Variants in LRMDA observed in about 807,000 individuals in gnomAD.
LRMDA encodes the protein leucine rich melanocyte differentiation associated, also known as leucine-rich melanocyte differentiation-associated protein.
In LRMDA, 18 loss-of-function variants were observed where a neutral mutation model predicts 29.8. That is an observed-to-expected ratio of 0.60 (90% CI 0.42 to 0.90). The LOEUF (loss-of-function observed/expected upper bound fraction) is 0.90, where lower values mean the gene tolerates loss of function less well. Ranked by LOEUF, LRMDA falls within the 40% of genes least tolerant of loss-of-function variation. The pLI is 0.00. For missense variants in LRMDA, 273 were observed against 273.9 expected (o/e 1.00, Z 0.02); for synonymous variants, 125 against 109.4 (o/e 1.14, Z -0.89).
At chr10:76,515,403 C>T (rs142825257) in intron 6 of LRMDA, among the ~76,000 whole-genome samples, 82 of 152,050 alleles carry the variant, frequency 5.4e-4, no homozygotes, top group African/African-American at 1.6e-3. Flanking sequence ...AATTGAACCT[C>T]GAATTTAGTG....
intron 6 of LRMDA, among the ~76,000 whole-genome samples, chr10:76,552,487 TTGAC>T (rs1275459866): frequency 2.0e-5 from 3 of 152,242 alleles, no homozygotes; most frequent in African/African-American, 7.2e-5. Flanking sequence ...AATTTTTTTA[TTGAC>T]TGACCTGTTG....
intron 5 of LRMDA, among the ~76,000 whole-genome samples, chr10:76,151,444 G>A (rs1850442506): frequency 2.0e-5 from 3 of 151,932 alleles, no homozygotes; most frequent in South Asian, 4.2e-4. Context: ...TGAAATAATC[G>A]TATTTGTTTG....
intron 6 of LRMDA, among the ~76,000 whole-genome samples, chr10:76,451,775 A>C (rs1447656111): frequency 6.6e-6 from 1 of 150,600 alleles, no homozygotes; most frequent in Non-Finnish European, 1.5e-5. Context: ...CTCCTGCCTC[A>C]GCCTCCCGAG....
chr10:76,259,209 T>A (rs1478935673), intron 5 of LRMDA, among the ~76,000 whole-genome samples: 1 of 152,192 alleles, frequency 6.6e-6, no homozygotes, highest in Non-Finnish European at 1.5e-5. Context: ...GTTTCCTTGA[T>A]GATTAGTGAT....
At chr10:75,910,949 T>G (rs546760472) in intron 2 of LRMDA, among the ~76,000 whole-genome samples, 1 of 152,298 alleles carries the variant, frequency 6.6e-6, no homozygotes, top group African/African-American at 2.4e-5. Context: ...GTTGATTGGT[T>G]GCGTCAATGG....
At chr10:75,888,531 C>A (rs750904097) in intron 2 of LRMDA, among the ~76,000 whole-genome samples, 1 of 152,154 alleles carries the variant, frequency 6.6e-6, no homozygotes, top group African/African-American at 2.4e-5. Context: ...ACAAAACAAG[C>A]CATCAGCTGA....
rs1171801748 is a variant in LRMDA, at chr10:76,008,150, G to A, written c.132-27858G>A. Among the ~76,000 whole-genome samples the A allele has an allele frequency of 3.9e-5, 6 of 152,176 alleles. No individual in the cohort carries two copies. In the South Asian group the frequency reaches 8.3e-4, roughly 21 times the overall value. ...AAGCCTCTGGAAAACTCCCATTGCC[G>A]GGGTGTTTGCGTTGGGGTGGCTAAT... On this transcript the variant is annotated intron_variant, in intron 2 of 6. Transcript: ENST00000611255.
intron 6 of LRMDA, among the ~76,000 whole-genome samples, chr10:76,436,683 G>T (rs1873466): frequency 1 from 152,288 of 152,328 alleles, 76,124 homozygotes; most frequent in Non-Finnish European, 1. Flanking sequence ...ATGCTCACAG[G>T]TTCCAGGGAT....
chr10:76,402,203 T>C (rs1474536827), intron 6 of LRMDA: 1 of 152,156 alleles, frequency 6.6e-6, no homozygotes, highest in East Asian at 1.9e-4. Flanking sequence ...GGCAGAATAA[T>C]GTGCTAGGTC....
chr10:76,261,369 G>T (rs1164636485), intron 5 of LRMDA, among the ~76,000 whole-genome samples: 1 of 152,118 alleles, frequency 6.6e-6, no homozygotes, highest in East Asian at 1.9e-4. Flanking sequence ...ACTGCGCCCG[G>T]CTGGCTTGCG....
intron 5 of LRMDA, among the ~76,000 whole-genome samples, chr10:76,271,573 C>T (rs1840068359): frequency 6.6e-6 from 1 of 152,154 alleles, no homozygotes; most frequent in East Asian, 1.9e-4. Context: ...TCAGCCTCAT[C>T]CATCTTGTTT....
chr10:76,322,495 C>T (rs1395831352), intron 5 of LRMDA, among the ~76,000 whole-genome samples: 1 of 152,132 alleles, frequency 6.6e-6, no homozygotes, highest in Non-Finnish European at 1.5e-5. Context: ...ATGATGACTG[C>T]AAAACAACAG....
At chr10:75,707,871 A>G (rs1382058884) in intron 2 of LRMDA, among the ~76,000 whole-genome samples, 1 of 151,860 alleles carries the variant, frequency 6.6e-6, no homozygotes, top group East Asian at 1.9e-4. Context: ...CACCCTGATG[A>G]TTAGGACATA....
chr10:75,441,339 C>T (rs1235108492), intron 2 of LRMDA, among the ~76,000 whole-genome samples: 2 of 152,182 alleles, frequency 1.3e-5, no homozygotes, highest in South Asian at 2.1e-4. Flanking sequence ...GACCATCTTT[C>T]GGCTCTGTTG....
At chr10:75,475,379 C>A (rs932255847) in intron 2 of LRMDA, among the ~76,000 whole-genome samples, 1 of 141,538 alleles carries the variant, frequency 7.1e-6, no homozygotes, top group Non-Finnish European at 1.5e-5. Context: ...AGGAAGGAGT[C>A]GTGCAGGAGT....
chr10:75,831,929 A>C (rs1481399239), intron 2 of LRMDA, among the ~76,000 whole-genome samples: 2 of 152,188 alleles, frequency 1.3e-5, no homozygotes, highest in Admixed American at 6.5e-5. Context: ...CCAAGTCCCT[A>C]GACTGCACAT....
At chr10:75,490,653 C>T (rs1351387208) in intron 2 of LRMDA, among the ~76,000 whole-genome samples, 2 of 152,134 alleles carry the variant, frequency 1.3e-5, no homozygotes, top group South Asian at 2.1e-4. Flanking sequence ...CATTGATTAT[C>T]CCAAGGCCTC....
chr10:76,510,936 G>A (rs959508343), intron 6 of LRMDA, among the ~76,000 whole-genome samples: 1 of 152,150 alleles, frequency 6.6e-6, no homozygotes, highest in Non-Finnish European at 1.5e-5. Context: ...TCTTGCAAAG[G>A]ATTCTTCCTT....
intron 5 of LRMDA, among the ~76,000 whole-genome samples, chr10:76,088,498 C>T (rs1176019575): frequency 6.6e-6 from 1 of 152,110 alleles, no homozygotes; most frequent in African/African-American, 2.4e-5. Context: ...AACAGGAAGG[C>T]CCCAAGGGAA....
Sources: gnomAD v4.1 joint callset for allele counts (sites outside exome capture counted in the v4.1 genomes callset) on GRCh38, gnomAD v4.1.1 for gene constraint, MANE v1.5 for transcripts, NCBI Gene and HGNC (gene_info 2026-07-23, HGNC 2026-07-21) for gene names.